LAMB1: variants seen among roughly 807,000 people sequenced by gnomAD.
The protein encoded by LAMB1 is laminin subunit beta-1.
A neutral mutation model predicts 222.3 loss-of-function variants in LAMB1; 121 were observed. That is an observed-to-expected ratio of 0.54 (90% confidence interval 0.47 to 0.63). LAMB1 has a LOEUF of 0.63. LAMB1 is among the 30% of genes least tolerant of loss of function. The pLI is 0.00. For synonymous variants in LAMB1, 794 were observed against 807.2 expected (o/e 0.98, Z 0.28); for missense variants, 2,172 against 2,240.8 (o/e 0.97, Z 0.62).
intron 16 of LAMB1, 41 bp downstream of exon 16, chr7:107,961,508 A>G: frequency 1.3e-6 from 2 of 1,597,568 alleles, no homozygotes; most frequent in Non-Finnish European, 1.7e-6. Context: ...ACTAATTTGC[A>G]TATGAAGCCC....
rs906723590 is a variant in LAMB1, at chr7:108,002,461, C to G, written c.37+388G>C. The G allele has an allele frequency of 3.9e-6, 5 of 1,281,988 alleles. No homozygotes were observed. In the African/African-American group the frequency reaches 6.1e-5, roughly 16 times the overall value. 79.4% of individuals were successfully genotyped at this position (1,281,988 alleles called of 1,614,324 possible). A position where few individuals can be genotyped will look rare whatever the true frequency, so the allele number is the denominator to read the frequency against. On this transcript the variant is annotated intron_variant, in intron 2 of 33. Transcript: ENST00000222399. ...CCATCTGTTCCCAGAATGAAGCCTC[C>G]GCTCAGCTCAGGCACTCTCCTGGGC...
At chr7:107,961,817 G>T in intron 15 of LAMB1, 141 bp from the exon 16 acceptor site, 2 of 974,418 alleles carry the variant, frequency 2.1e-6, no homozygotes, top group Non-Finnish European at 3.0e-6. Context: ...TACTACCTCT[G>T]CTACTCCCCT....
chr7:107,981,499 G>C (rs1053794255), intron 7 of LAMB1, among the ~76,000 whole-genome samples: 2 of 151,792 alleles, frequency 1.3e-5, no homozygotes, highest in Non-Finnish European at 2.9e-5. Flanking sequence ...TGTAATCCCA[G>C]TTACTCTGGA....
In LAMB1 at chr7:107,998,300, C is replaced by T; in HGVS notation, c.349+57G>A. 3 of 1,572,644 alleles carry T rather than the reference C, an allele frequency of 1.9e-6. No individual in the cohort carries two copies. The South Asian group carries it at 3.4e-5, about 18-fold the overall frequency. On this transcript the variant is annotated intron_variant, in intron 4 of 33. Transcript: ENST00000222399. ...TTACAAACACCCAGGAACCTGTAAG[C>T]TCCACCCAAGTTATCAATCACACTC...
chr7:107,960,309 C>G (rs991236430), intron 18 of LAMB1, 136 bp downstream of exon 18: 1 of 631,964 alleles, frequency 1.6e-6, no homozygotes. Context: ...AAGATAAAGA[C>G]AAACTGTAAC....
intron 24 of LAMB1, chr7:107,940,578 GA>G: frequency 1.8e-6 from 1 of 558,358 alleles, no homozygotes; most frequent in Non-Finnish European, 3.2e-6. Context: ...ACTTTAAACA[GA>G]AATGTTTTAT....
chr7:108,002,300 C>T (rs1190399412), intron 2 of LAMB1: 22 of 1,310,930 alleles, frequency 1.7e-5, no homozygotes, highest in Non-Finnish European at 2.1e-5. Context: ...CTTTCCGGAG[C>T]TAGGGGAGCC....
Position 107,953,567 on chromosome 7 carries a change from A to G in LAMB1, c.3042T>C (p.Phe1014=), listed in dbSNP as rs996728079. The change falls in exon 22 of 34, where the codon TTT becomes TTC. Residue 1014 remains phenylalanine (F), a synonymous_variant. Transcript: ENST00000222399. ...TEGEHCQFCR[F]GYYGDALQQD... ...GCTGGAGGGCATCACCATAGTATCC[A>G]AACCGGCAGAACTGACAGTGTTCCC... 1 of 1,614,208 alleles carries G rather than the reference A, an allele frequency of 6.2e-7. No individual in the cohort carries two copies. Among genetic ancestry groups the G allele is most frequent in the South Asian group, 1.1e-5 (1 of 91,082 alleles).
intron 13 of LAMB1, among the ~76,000 whole-genome samples, chr7:107,966,080 A>C (rs976907800): frequency 1.3e-5 from 2 of 151,392 alleles, no homozygotes; most frequent in African/African-American, 4.8e-5. Context: ...CCTGGGTGAC[A>C]GAGTGAGACT....
intron 1 of LAMB1, 50 bp downstream of exon 1, chr7:108,003,061 G>C: frequency 7.2e-7 from 1 of 1,395,576 alleles, no homozygotes; most frequent in East Asian, 2.6e-5. Context: ...CGGAAGCGGG[G>C]GGTGGGCTGG....
Position 107,994,907 on chromosome 7 carries a change from G to A in LAMB1, c.403C>T (p.His135Tyr). ...CTTACCTTGAAAGTCATTATGAGAT[G>A]AGTAAAATGGAATTCTGCTTCCAAA... ...LDLEAEFHFT[H>Y]LIMTFKTFRP... The change falls in exon 5 of 34, where the codon CAT becomes TAT. Residue 135 changes from histidine (H) to tyrosine (Y), a missense_variant. Physicochemically the swap from His to Tyr is moderately conservative, Grantham distance 83. Transcript: ENST00000222399. 6.3e-7 allele frequency: 1 copy of A among 1,597,910 alleles called. No homozygotes were observed. Among genetic ancestry groups the A allele is most frequent in the Non-Finnish European group, 8.6e-7 (1 of 1,165,798 alleles).
At chr7:107,936,648 C>T (rs958817510) in intron 26 of LAMB1, among the ~76,000 whole-genome samples, 8 of 152,192 alleles carry the variant, frequency 5.3e-5, no homozygotes, top group South Asian at 2.1e-4. Context: ...TCTACATTCA[C>T]TTTTTGCTGA....
chr7:107,986,782 G>A (rs916995886), intron 5 of LAMB1, among the ~76,000 whole-genome samples: 1 of 152,166 alleles, frequency 6.6e-6, no homozygotes, highest in Non-Finnish European at 1.5e-5. Flanking sequence ...ACTATATGTT[G>A]TATATGTTAT....
intron 5 of LAMB1, among the ~76,000 whole-genome samples, chr7:107,987,015 A>G (rs2034093033): frequency 6.6e-6 from 1 of 152,272 alleles, no homozygotes; most frequent in Non-Finnish European, 1.5e-5. Context: ...TCACCACAGC[A>G]GTATTATTCA....
intron 21 of LAMB1, among the ~76,000 whole-genome samples, chr7:107,954,166 T>G (rs77065940): frequency 0.013 from 2,020 of 152,088 alleles, 33 homozygotes; most frequent in African/African-American, 0.046. Flanking sequence ...GGATTACATT[T>G]TTTTAAGACA....
At chr7:107,937,018 A>G (rs2032863670) in intron 26 of LAMB1, 75 bp downstream of exon 26, 3 of 1,237,626 alleles carry the variant, frequency 2.4e-6, no homozygotes, top group Non-Finnish European at 3.4e-6. Flanking sequence ...TTTTTTCCCC[A>G]AAAGTGCTAT....
intron 3 of LAMB1, among the ~76,000 whole-genome samples, chr7:107,999,168 G>C (rs2034335572): frequency 1.3e-5 from 2 of 152,218 alleles, no homozygotes; most frequent in African/African-American, 2.4e-5. Flanking sequence ...CATGAACTAG[G>C]ATGAAGATAG....
chr7:107,951,249 C>T lies in LAMB1; in HGVS notation c.3368G>A (p.Gly1123Glu). The T allele has an allele frequency of 1.9e-6, 3 of 1,614,158 alleles. No individual in the cohort carries two copies. Among genetic ancestry groups the T allele is most frequent in the Non-Finnish European group, 2.5e-6 (3 of 1,179,982 alleles). Residue 1123 changes from glycine to glutamate, a missense_variant, in exon 24 of 34, where the codon GGA (glycine) becomes GAA (glutamate). Physicochemically the swap from Gly to Glu is moderately conservative, Grantham distance 98. Transcript: ENST00000222399. ...TCSECQELFWGDPDVECRACD... is the reference protein window; with the variant it reads ...TCSECQELFWEDPDVECRACD... Reference sequence around the variant, plus strand: ...ACCTCGGCACTCCACGTCGGGGTCTCCCCAGAAGAGTTCCTGGCACTCGCT... The same window carrying T: ...ACCTCGGCACTCCACGTCGGGGTCTTCCCAGAAGAGTTCCTGGCACTCGCT...
chr7:107,998,112 A>C (rs2034314684), intron 4 of LAMB1, among the ~76,000 whole-genome samples: 1 of 152,206 alleles, frequency 6.6e-6, no homozygotes, highest in African/African-American at 2.4e-5. Context: ...AGCCCCTCAG[A>C]ATAAGGACTA....
Sources: allele counts gnomAD v4.1 joint callset (sites outside exome capture counted in the v4.1 genomes callset), GRCh38; gene constraint gnomAD v4.1.1; transcripts MANE v1.5; gene names NCBI Gene and HGNC (gene_info 2026-07-23, HGNC 2026-07-21).